The following SCGN variants were observed in gnomAD, a reference collection of about 807,000 sequenced individuals.
SCGN encodes secretagogin.
A neutral mutation model predicts 39.7 loss-of-function variants in SCGN; 30 were observed. The observed-to-expected ratio is 0.76, with a 90% CI of 0.57 to 1.03. The LOEUF is 1.03. Among genes scored for constraint, SCGN ranks in the 50% least tolerant of loss-of-function variants. The pLI, the probability that SCGN is intolerant of heterozygous loss-of-function variation, is 0.00. For synonymous variants in SCGN, 106 were observed against 114.1 expected (o/e 0.93, Z 0.45); for missense variants, 353 against 349.4 (o/e 1.01, Z -0.08).
intron 2 of SCGN, among the ~76,000 whole-genome samples, chr6:25,657,053 C>A (rs1403370635): frequency 6.6e-6 from 1 of 152,148 alleles, no homozygotes. Context: ...TTCCATTGTG[C>A]TTTTCCTGTA....
chr6:25,670,102 A>C, intron 6 of SCGN, 26 bp downstream of exon 6: 14 of 1,510,374 alleles, frequency 9.3e-6, no homozygotes, highest in South Asian at 2.2e-5. Context: ...TGTAATCTCC[A>C]TGAGGGCAGC....
chr6:25,669,767 A>G (rs534881456), intron 5 of SCGN, among the ~76,000 whole-genome samples, 200 bp downstream of exon 5: 59 of 152,290 alleles, frequency 3.9e-4, no homozygotes, highest in African/African-American at 1.4e-3. Flanking sequence ...TCTCTGGAAA[A>G]GAAGCATAAT....
intron 10 of SCGN, among the ~76,000 whole-genome samples, chr6:25,695,934 C>T (rs1759831421): frequency 6.6e-6 from 1 of 152,220 alleles, no homozygotes; most frequent in African/African-American, 2.4e-5. Context: ...AATTCCAGAT[C>T]TCCCAAGAGA....
At chr6:25,660,483 A>G (rs960391597) in intron 2 of SCGN, among the ~76,000 whole-genome samples, 3 of 152,226 alleles carry the variant, frequency 2.0e-5, no homozygotes, top group Admixed American at 2.0e-4. Flanking sequence ...TATACCTGAA[A>G]GCAACATGTT....
intron 3 of SCGN, 55 bp from the exon 4 acceptor site, chr6:25,664,888 T>C (rs1052459998): frequency 2.2e-6 from 3 of 1,389,342 alleles, no homozygotes; most frequent in Admixed American, 1.7e-5. Flanking sequence ...CAGGGAGCAC[T>C]CTTGAAATGG....
rs115874406 is a variant in SCGN, at chr6:25,664,863, C to T, written c.247-80C>T. The T allele has an allele frequency of 3.7e-3, 3,845 of 1,037,580 alleles. 54 individuals are homozygous for T. Among genetic ancestry groups the T allele is most frequent in the African/African-American group, 0.036 (2,300 of 64,086 alleles). The allele number at this position is 1,037,580 out of a possible 1,614,324, so 64.3% of individuals were successfully genotyped here. A position where few individuals can be genotyped will look rare whatever the true frequency, so the allele number is the denominator to read the frequency against. On this transcript the variant is annotated intron_variant, in intron 3 of 10. Coordinates refer to ENST00000377961, the MANE Select transcript of SCGN (RefSeq NM_006998.4). Reference sequence around the variant, plus strand: ...AGCCCTTCTGCCCTGGAATATGCACCACCATGCCTTTTACCAGGGAGCACT... The same window carrying T: ...AGCCCTTCTGCCCTGGAATATGCACTACCATGCCTTTTACCAGGGAGCACT...
At chr6:25,684,318 T>A (rs1200839569) in intron 7 of SCGN, among the ~76,000 whole-genome samples, 1 of 152,164 alleles carries the variant, frequency 6.6e-6, no homozygotes, top group Non-Finnish European at 1.5e-5. Context: ...TAGTACAGTC[T>A]TCCCTAAGTA....
At chr6:25,691,755 G>C (rs1222844754) in intron 10 of SCGN, among the ~76,000 whole-genome samples, 2 of 152,190 alleles carry the variant, frequency 1.3e-5, no homozygotes, top group East Asian at 3.9e-4. Flanking sequence ...GGATTGTGTC[G>C]ACAATGAATT....
intron 6 of SCGN, among the ~76,000 whole-genome samples, chr6:25,680,167 C>T (rs1759621548): frequency 1.3e-5 from 2 of 152,278 alleles, no homozygotes; most frequent in South Asian, 4.1e-4. Flanking sequence ...CATTATGTCT[C>T]AAACAAATAT....
At position 25,669,569 on chromosome 6, in the gene SCGN, TG is replaced by T; in HGVS notation, c.393+3del. 1 of 1,611,970 alleles carries T rather than the reference TG, an allele frequency of 6.2e-7. No homozygotes were observed. Among genetic ancestry groups the T allele is most frequent in the Non-Finnish European group, 8.5e-7 (1 of 1,178,076 alleles). On this transcript the variant is annotated splice_donor_region_variant and intron_variant, in intron 5 of 10. Coordinates refer to ENST00000377961, the MANE Select transcript of SCGN (RefSeq NM_006998.4). ...TTTATATCAGCTGCTGAGCTCCGCG[TG>T]AGTGTCACTGGGTGAAGGGTGGGTT...
At position 25,652,434 on chromosome 6, in the gene SCGN, C is replaced by A; in HGVS notation, c.31C>A (p.Arg11Ser). 6.2e-7 allele frequency: 1 copy of A among 1,614,128 alleles called. No homozygotes were observed. The highest frequency in any genetic ancestry group is 8.5e-7 in the Non-Finnish European group (1 of 1,180,022). ...CAGCTCCCGGGAACCGACTCTGGGG[C>A]GCTTGGACGCCGCTGGCTTCTGGCA... MDSSREPTLG[R>S]LDAAGFWQVW... The change falls in exon 1 of 11, where the codon CGC becomes AGC. Residue 11 changes from arginine (R) to serine (S), a missense_variant. By Grantham distance (110) the Arg-to-Ser change is moderately radical. Transcript: ENST00000377961.
chr6:25,669,690 T>G, intron 5 of SCGN, 123 bp downstream of exon 5: 1 of 753,076 alleles, frequency 1.3e-6, no homozygotes, highest in Non-Finnish European at 2.3e-6. Context: ...AAAAAATACA[T>G]ACATATGTAC....
intron 5 of SCGN, among the ~76,000 whole-genome samples, 162 bp from the exon 6 acceptor site, chr6:25,669,837 A>G (rs1278998391): frequency 2.0e-5 from 3 of 152,188 alleles, no homozygotes; most frequent in Non-Finnish European, 4.4e-5. Flanking sequence ...TGAGCTCCCT[A>G]TAAACAGTGA....
chr6:25,659,485 A>C (rs993950991), intron 2 of SCGN, among the ~76,000 whole-genome samples: 4 of 152,200 alleles, frequency 2.6e-5, no homozygotes, highest in African/African-American at 9.6e-5. Flanking sequence ...TGTTTTCTCC[A>C]TCAGTAAAAT....
intron 4 of SCGN, 44 bp downstream of exon 4, chr6:25,665,076 A>T: frequency 2.0e-6 from 3 of 1,475,048 alleles, no homozygotes; most frequent in Non-Finnish European, 2.8e-6. Flanking sequence ...GGACTGAGAC[A>T]AGGCTACGAT....
intron 1 of SCGN, 110 bp from the exon 2 acceptor site, chr6:25,653,272 T>G: frequency 1.3e-6 from 1 of 746,968 alleles, no homozygotes; most frequent in Non-Finnish European, 2.2e-6. Context: ...TAACAAAAAA[T>G]AGTGTTGAGG....
At chr6:25,680,975 T>C (rs1220153086) in intron 6 of SCGN, among the ~76,000 whole-genome samples, 1 of 152,222 alleles carries the variant, frequency 6.6e-6, no homozygotes, top group Non-Finnish European at 1.5e-5. Flanking sequence ...TCTTTTTCCC[T>C]GTGCAGCCTC....
intron 10 of SCGN, among the ~76,000 whole-genome samples, chr6:25,698,002 C>T (rs1216870875): frequency 6.6e-6 from 1 of 152,136 alleles, no homozygotes; most frequent in South Asian, 2.1e-4. Flanking sequence ...TAGGGTTGTT[C>T]TGAAGATTAG....
chr6:25,699,504 T>C (rs1037602319), intron 10 of SCGN, among the ~76,000 whole-genome samples: 2 of 148,692 alleles, frequency 1.3e-5, no homozygotes, highest in East Asian at 4.0e-4. Flanking sequence ...GCTGGAGAGT[T>C]GCTTGAACCT....
Sources: gnomAD v4.1 joint callset for allele counts (sites outside exome capture counted in the v4.1 genomes callset) on GRCh38, gnomAD v4.1.1 for gene constraint, MANE v1.5 for transcripts, NCBI Gene and HGNC (gene_info 2026-07-23, HGNC 2026-07-21) for gene names.